Variants in FHAD1 observed in about 807,000 individuals in gnomAD.
FHAD1 encodes the protein forkhead-associated domain-containing protein 1.
FHAD1 carries 146 observed loss-of-function variants against 191.3 expected under a neutral mutation model. That is an observed-to-expected ratio of 0.76 (90% CI 0.67 to 0.88). FHAD1 has a LOEUF of 0.88. Ranked by LOEUF, FHAD1 falls within the 40% of genes least tolerant of loss-of-function variation. FHAD1 has a pLI of 0.00. For synonymous variants in FHAD1, 616 were observed against 672.3 expected (o/e 0.92, Z 1.29); for missense variants, 1,635 against 1,785.8 (o/e 0.92, Z 1.52).
chr1:15,301,218 T>A lies in FHAD1; in HGVS notation c.692T>A (p.Leu231Gln), dbSNP rs1266433008. ...ATCTCTACCCAGGATGAAATAATTCTGCTGCTGGGAAAAGAGGTCAGCCGT... is the reference window on the plus strand; with the variant it reads ...ATCTCTACCCAGGATGAAATAATTCAGCTGCTGGGAAAAGAGGTCAGCCGT... ...LAQQDKDEII[L>Q]LLGKEVSRLS... is the part of the protein sequence containing the mutation. Residue 231 changes from leucine (L) to glutamine (Q), a missense_variant, in exon 6 of 34, where the codon CTG (leucine) becomes CAG (glutamine). Coordinates refer to ENST00000688493, the MANE Select transcript of FHAD1 (RefSeq NM_001391957.1). The A allele has an allele frequency of 3.2e-6, 5 of 1,551,756 alleles. No individual in the cohort carries two copies. The South Asian group carries it at 5.9e-5, about 18-fold the overall frequency.
Position 15,380,709 on chromosome 1 carries a change from TG to T in FHAD1, c.3716del (p.Gly1239AlafsTer23). 2 of 1,551,610 alleles carry T rather than the reference TG, an allele frequency of 1.3e-6. No homozygotes were observed. Among genetic ancestry groups the T allele is most frequent in the Non-Finnish European group, 1.7e-6 (2 of 1,146,886 alleles). On this transcript the variant is annotated frameshift_variant, in exon 29 of 34. Transcript: ENST00000688493. LOFTEE classifies it high-confidence loss of function. ...TTTCTTTCTGATTTCAGCCTCAGAA[TG>T]GCCTTTGCAACGCAAGGTTCGGCTC... is the stretch of plus-strand genomic sequence containing the variant. ...SRIEILAPQN[G>X]LCNARFGSAM...
intron 2 of FHAD1, among the ~76,000 whole-genome samples, chr1:15,264,217 C>G (rs1217973348): frequency 6.6e-6 from 1 of 152,100 alleles, no homozygotes; most frequent in East Asian, 1.9e-4. Flanking sequence ...CTGTAGGTTG[C>G]TTGGGTAGTA....
At position 15,297,129 on chromosome 1, in the gene FHAD1, G is replaced by T. The variant is rs545140190; in HGVS notation, c.678+336G>T. 1.0e-3 allele frequency among the ~76,000 whole-genome samples: 154 copies of T among 152,244 alleles called. 4 individuals are homozygous for T. Among genetic ancestry groups the T allele is most frequent in the South Asian group, 2.1e-4 (1 of 4,822 alleles). On this transcript the variant is annotated intron_variant, in intron 5 of 33. Coordinates refer to ENST00000688493, the MANE Select transcript of FHAD1 (RefSeq NM_001391957.1). ...AGAGAGTTTAAGTAACTTGCCCAAG[G>T]TTGCACAGTAAAAGGGGCAGAATTG...
intron 33 of FHAD1, 42 bp from the exon 34 acceptor site, chr1:15,397,255 G>T (rs989179490): frequency 3.2e-6 from 3 of 925,444 alleles, no homozygotes; most frequent in Admixed American, 2.7e-5. Context: ...TTGGAGTCTT[G>T]CTGCAATGGA....
At chr1:15,264,186 T>C (rs921395377) in intron 2 of FHAD1, among the ~76,000 whole-genome samples, 2 of 152,208 alleles carry the variant, frequency 1.3e-5, no homozygotes, top group African/African-American at 4.8e-5. Context: ...CATTGGAATT[T>C]TGATAAAGAT....
intron 3 of FHAD1, among the ~76,000 whole-genome samples, chr1:15,279,375 G>C (rs1376003215): frequency 6.6e-6 from 1 of 152,064 alleles, no homozygotes; most frequent in East Asian, 1.9e-4. Flanking sequence ...GAAAAGGCCA[G>C]AAGCATCAGC....
chr1:15,290,709 T>C (rs1258660884), intron 4 of FHAD1, among the ~76,000 whole-genome samples: 1 of 151,854 alleles, frequency 6.6e-6, no homozygotes, highest in African/African-American at 2.4e-5. Flanking sequence ...TTTTTTTTTT[T>C]TGGACGGAGT....
At position 15,329,422 on chromosome 1, in the gene FHAD1, C is replaced by T. The variant is rs1680310105; in HGVS notation, c.1787C>T (p.Pro596Leu). The T allele has an allele frequency of 6.4e-7, 1 of 1,551,184 alleles. No homozygotes were observed. Among genetic ancestry groups the T allele is most frequent in the Admixed American group, 2.0e-5 (1 of 50,974 alleles). Reference sequence around the variant, plus strand: ...CTTCTTCAGCACCTCCAGGTGAGCCCACCTGTCTCGGGGCTCCAGAAGGTG... The same window carrying T: ...CTTCTTCAGCACCTCCAGGTGAGCCTACCTGTCTCGGGGCTCCAGAAGGTG... ...VDLLQHLQVSPPVSGLQKVVL... is the reference protein window; with the variant it reads ...VDLLQHLQVSLPVSGLQKVVL... The change falls in exon 14 of 34, where the codon CCA becomes CTA. Residue 596 changes from proline to leucine, a missense_variant. Transcript: ENST00000688493. The surrounding 1 kb of genome is among the most constrained non-coding windows in gnomAD (Gnocchi z 5.0).
rs545863208 is a variant in FHAD1, at chr1:15,301,122, A to G, written c.679-83A>G. On this transcript the variant is annotated intron_variant, in intron 5 of 33. Transcript: ENST00000688493. ...TAGGATTACAGGCGTGAGCCACCGC[A>G]CCCGGCCCCTACTTTTTTTTAATGG... 211 of 1,235,362 alleles carry G rather than the reference A, an allele frequency of 1.7e-4. No homozygotes were observed. The African/African-American group carries it at 3.0e-3, about 17-fold the overall frequency. 76.5% of individuals were successfully genotyped at this position (1,235,362 alleles called of 1,614,324 possible).
At chr1:15,366,935 G>A (rs994322865) in intron 24 of FHAD1, among the ~76,000 whole-genome samples, 5 of 152,174 alleles carry the variant, frequency 3.3e-5, no homozygotes, top group African/African-American at 1.2e-4. Context: ...AACTAAGCCC[G>A]GGGAAGTGGA....
upstream of FHAD1, among the ~76,000 whole-genome samples, chr1:15,244,420 A>G (rs965820355): frequency 6.6e-6 from 1 of 152,166 alleles, no homozygotes; most frequent in Non-Finnish European, 1.5e-5. This position sits in a 1 kb window ranked among gnomAD's most constrained non-coding sequence, Gnocchi z 5.1. Flanking sequence ...GCTCATGGCC[A>G]GCCTGGGTTT....
intron 15 of FHAD1, among the ~76,000 whole-genome samples, chr1:15,339,837 A>AT (rs899338612): frequency 0.019 from 2,814 of 147,586 alleles, 59 homozygotes; most frequent in African/African-American, 0.05. Flanking sequence ...ATGCCATCAG[A>AT]TTTTTTTTTT....
intron 19 of FHAD1, among the ~76,000 whole-genome samples, chr1:15,350,035 A>C (rs142959203): frequency 6.6e-6 from 1 of 152,232 alleles, no homozygotes; most frequent in Non-Finnish European, 1.5e-5. Flanking sequence ...TGGCACAGAC[A>C]CACACGTGCC....
intron 8 of FHAD1, among the ~76,000 whole-genome samples, chr1:15,315,474 A>G (rs528906711): frequency 1.2e-3 from 172 of 142,558 alleles, no homozygotes; most frequent in African/African-American, 4.1e-3. Context: ...GTTATCGGAC[A>G]TGGGTGTTTC....
chr1:15,345,182 CAGA>C lies in FHAD1; in HGVS notation c.2236_2238del (p.Lys746del). On this transcript the variant is annotated inframe_deletion, in exon 17 of 34. Coordinates refer to ENST00000688493, the MANE Select transcript of FHAD1 (RefSeq NM_001391957.1). ...AGAACTGGAGAGCCTCCTGGCCCAGCAGAAGAAGGTATGTGGCTCAGGGAGACA... is the reference window on the plus strand; with the variant it reads ...AGAACTGGAGAGCCTCCTGGCCCAGCAGAAGGTATGTGGCTCAGGGAGACA... 1.9e-6 allele frequency: 3 copies of C among 1,551,098 alleles called. No homozygotes were observed. The highest frequency in any genetic ancestry group is 2.6e-6 in the Non-Finnish European group (3 of 1,146,518).
At chr1:15,285,112 C>T (rs533005788) in intron 3 of FHAD1, among the ~76,000 whole-genome samples, 1 of 152,288 alleles carries the variant, frequency 6.6e-6, no homozygotes, top group African/African-American at 2.4e-5. Context: ...CTCACTGTTT[C>T]CTTGTAGTTA....
At chr1:15,335,958 C>T (rs999091505) in intron 14 of FHAD1, among the ~76,000 whole-genome samples, 1 of 152,124 alleles carries the variant, frequency 6.6e-6, no homozygotes, top group Non-Finnish European at 1.5e-5. Flanking sequence ...AAATCCCAGA[C>T]TCATCCCAAC....
At chr1:15,285,468 G>A (rs2100412324) in intron 3 of FHAD1, among the ~76,000 whole-genome samples, 1 of 152,304 alleles carries the variant, frequency 6.6e-6, no homozygotes, top group Non-Finnish European at 1.5e-5. Flanking sequence ...AGGAGGCGGA[G>A]GTTGCAGTGA....
intron 6 of FHAD1, among the ~76,000 whole-genome samples, chr1:15,306,891 C>CA (rs1296468606): frequency 6.6e-6 from 1 of 152,244 alleles, no homozygotes; most frequent in African/African-American, 2.4e-5. Context: ...AGCCCCCACA[C>CA]AGAGTCCCTA....
Sources: allele counts gnomAD v4.1 joint callset (sites outside exome capture counted in the v4.1 genomes callset), GRCh38; gene constraint gnomAD v4.1.1; non-coding constraint Gnocchi (gnomAD v3.1); transcripts MANE v1.5; gene names NCBI Gene and HGNC (gene_info 2026-07-23, HGNC 2026-07-21).